NEK10: variants seen among roughly 807,000 people sequenced by gnomAD.
The protein encoded by NEK10 is NIMA related kinase 10, also known as serine/threonine-protein kinase Nek10.
NEK10 carries 122 observed loss-of-function variants against 159.8 expected under a neutral mutation model. That is an observed-to-expected ratio of 0.76 (90% CI 0.66 to 0.89). The LOEUF (loss-of-function observed/expected upper bound fraction) is 0.89, where lower values mean the gene tolerates loss of function less well. Ranked by LOEUF, NEK10 falls within the 40% of genes least tolerant of loss-of-function variation. The pLI is 0.00. For missense variants in NEK10, 1,342 were observed against 1,323.1 expected, an observed-to-expected ratio of 1.01 and a Z score of -0.22; for synonymous variants, 466 against 457.1, an observed-to-expected ratio of 1.02 and a Z score of -0.25.
intron 9 of NEK10, 117 bp downstream of exon 9, chr3:27,310,832 G>T (rs2044633536): frequency 1.7e-6 from 1 of 597,992 alleles, no homozygotes; most frequent in East Asian, 2.8e-5. Flanking sequence ...CTCAGGCCAG[G>T]CTGGTAGGTT....
chr3:27,202,472 T>C lies in NEK10; in HGVS notation c.2176A>G (p.Ser726Gly), dbSNP rs1425061840. The C allele has an allele frequency of 1.9e-6, 3 of 1,613,696 alleles. No individual in the cohort carries two copies. The African/African-American group carries it at 4.0e-5, about 22-fold the overall frequency. The part of the protein sequence containing the change: ...GCILYQMATL[S>G]PPFYSTNMLS... ...ATGTTAGTGCTGTAGAAGGGGGGAC[T>C]CAAAGTCGCCATCTGATAAAGGATG... Residue 726 changes from serine to glycine, a missense_variant, in exon 24 of 36, where the codon AGT (serine) becomes GGT (glycine). Transcript: ENST00000691995.
intron 12 of NEK10, 145 bp from the exon 13 acceptor site, chr3:27,301,980 T>C (rs1246285061): frequency 3.0e-6 from 2 of 658,714 alleles, no homozygotes; most frequent in Non-Finnish European, 2.6e-6. Flanking sequence ...CTGGAATTGA[T>C]TTTTGTGTAT....
intron 22 of NEK10, among the ~76,000 whole-genome samples, chr3:27,282,919 A>G (rs552553285): frequency 1.4e-4 from 21 of 152,076 alleles, no homozygotes; most frequent in African/African-American, 5.1e-4. Flanking sequence ...CAAAGTTATA[A>G]TTAATTTCAA....
chr3:27,284,574 T>A lies in NEK10; in HGVS notation c.2014+28A>T, dbSNP rs779413221. 4 of 1,281,934 alleles carry A rather than the reference T, an allele frequency of 3.1e-6. No individual in the cohort carries two copies. The East Asian group carries it at 6.9e-5, about 22-fold the overall frequency. The allele number at this position is 1,281,934 out of a possible 1,614,324, so 79.4% of individuals were successfully genotyped here. On this transcript the variant is annotated intron_variant, in intron 22 of 35. Coordinates refer to ENST00000691995, the MANE Select transcript of NEK10 (RefSeq NM_001394966.1). Reference sequence around the variant, plus strand: ...AGGATAGTATTCAGGAATTCTTCAGTTAAAAGTTTAAAAATCTTTATACTT... The same window carrying A: ...AGGATAGTATTCAGGAATTCTTCAGATAAAAGTTTAAAAATCTTTATACTT...
chr3:27,317,474 G>C (rs1559491613), intron 6 of NEK10, among the ~76,000 whole-genome samples: 1 of 152,148 alleles, frequency 6.6e-6, no homozygotes, highest in African/African-American at 2.4e-5. Context: ...TGGGTAATCT[G>C]AACTTTAGTT....
intron 23 of NEK10, among the ~76,000 whole-genome samples, chr3:27,223,491 A>G (rs1028523870): frequency 1.1e-4 from 16 of 152,330 alleles, no homozygotes; most frequent in African/African-American, 3.8e-4. Context: ...ATCACCATAT[A>G]AAAACAATTC....
intron 32 of NEK10, among the ~76,000 whole-genome samples, chr3:27,125,487 G>C (rs1941836289): frequency 6.6e-6 from 1 of 152,044 alleles, no homozygotes; most frequent in Non-Finnish European, 1.5e-5. Context: ...ACTTCCCTCA[G>C]ATTTTCCTTA....
At chr3:27,365,608 GTGTTTTTTTTT>G in intron 1 of NEK10, among the ~76,000 whole-genome samples, 1 of 64,950 alleles carries the variant, frequency 1.5e-5, no homozygotes, top group African/African-American at 7.2e-5. Flanking sequence ...TTTTTTTTTT[GTGTTTTTTTTT>G]TTTTTTTTTT....
intron 29 of NEK10, among the ~76,000 whole-genome samples, chr3:27,169,501 T>C (rs1946764219): frequency 6.6e-6 from 1 of 152,220 alleles, no homozygotes. Flanking sequence ...GTTGATAAGT[T>C]TTCCTTGGGT....
At chr3:27,235,633 A>G (rs548615688) in intron 23 of NEK10, among the ~76,000 whole-genome samples, 2 of 152,312 alleles carry the variant, frequency 1.3e-5, no homozygotes, top group African/African-American at 2.4e-5. Flanking sequence ...GAGGTTGTGG[A>G]GAAAAAGAAA....
At chr3:27,165,204 A>T (rs1447506495) in intron 29 of NEK10, among the ~76,000 whole-genome samples, 1 of 152,246 alleles carries the variant, frequency 6.6e-6, no homozygotes, top group East Asian at 1.9e-4. Flanking sequence ...TAGAGATAGC[A>T]GAAAATAAAA....
chr3:27,221,297 T>TA (rs1269170018), intron 23 of NEK10, among the ~76,000 whole-genome samples: 1 of 152,218 alleles, frequency 6.6e-6, no homozygotes. Flanking sequence ...TAAAAACTTT[T>TA]ATAACTCAAT....
At chr3:27,258,685 T>G (rs10155022) in intron 22 of NEK10, among the ~76,000 whole-genome samples, 96,507 of 151,982 alleles carry the variant, frequency 0.63, 33,022 homozygotes, top group African/African-American at 0.91. Flanking sequence ...ACTTACGTGT[T>G]CATGTGTCTT....
chr3:27,368,798 C>T (rs946648776), intron 1 of NEK10, among the ~76,000 whole-genome samples: 6 of 151,982 alleles, frequency 3.9e-5, no homozygotes, highest in African/African-American at 1.5e-4. Context: ...GAAGGGCTCA[C>T]CGAAGTAGGG....
rs1939347020 is a variant in NEK10 at position 27,109,861 on chromosome 3, G to A, written c.*1411C>T. ...CAGTGTATCTGTAATTGTTAATTTG[G>A]CTTAAAGAAAGATCCATTGACAATC... On this transcript the variant is annotated 3_prime_UTR_variant, in exon 36 of 36. Coordinates refer to ENST00000691995, the MANE Select transcript of NEK10 (RefSeq NM_001394966.1). 1.3e-5 allele frequency among the ~76,000 whole-genome samples: 2 copies of A among 152,036 alleles called. No individual in the cohort carries two copies. Among genetic ancestry groups the A allele is most frequent in the African/African-American group, 4.8e-5 (2 of 41,390 alleles).
At chr3:27,207,584 GTCTA>G in intron 23 of NEK10, among the ~76,000 whole-genome samples, 1 of 152,110 alleles carries the variant, frequency 6.6e-6, no homozygotes, top group Non-Finnish European at 1.5e-5. Flanking sequence ...ACTACTGTAA[GTCTA>G]TCTTATTGAA....
chr3:27,194,542 C>T (rs190901119), intron 25 of NEK10: 1 of 152,326 alleles, frequency 6.6e-6, no homozygotes, highest in Admixed American at 6.5e-5. Flanking sequence ...CTCACCTCAT[C>T]CACTTTGTCC....
At chr3:27,155,964 T>G (rs181136969) in intron 30 of NEK10, among the ~76,000 whole-genome samples, 1 of 152,076 alleles carries the variant, frequency 6.6e-6, no homozygotes, top group South Asian at 2.1e-4. Context: ...TGGAACAGAA[T>G]AGAGAACCCA....
chr3:27,330,880 A>T lies in NEK10; in HGVS notation c.363-8619T>A, dbSNP rs190413891. On this transcript the variant is annotated intron_variant, in intron 5 of 35. Coordinates refer to ENST00000691995, the MANE Select transcript of NEK10 (RefSeq NM_001394966.1). ...AGAGATGAGGCCAAGAAGGAACAAGATCTCAAAGAACTATGTGAACCAACT... is the reference window on the plus strand; with the variant it reads ...AGAGATGAGGCCAAGAAGGAACAAGTTCTCAAAGAACTATGTGAACCAACT... 4.6e-5 allele frequency among the ~76,000 whole-genome samples: 7 copies of T among 152,290 alleles called. No individual in the cohort carries two copies. The East Asian group carries it at 1.4e-3, about 29-fold the overall frequency.
Sources: allele counts gnomAD v4.1 joint callset (sites outside exome capture counted in the v4.1 genomes callset), GRCh38; gene constraint gnomAD v4.1.1; transcripts MANE v1.5; gene names NCBI Gene and HGNC (gene_info 2026-07-23, HGNC 2026-07-21).